FMO2: variants seen among roughly 807,000 people sequenced by gnomAD.
FMO2 encodes flavin-containing monooxygenase 2.
Under a neutral mutation model 41.6 loss-of-function variants are expected in FMO2, and 33 were observed. The observed-to-expected ratio is 0.79, with a 90% CI of 0.60 to 1.06. The LOEUF (loss-of-function observed/expected upper bound fraction) is 1.06. Ranked by LOEUF, FMO2 falls within the 50% of genes least tolerant of loss-of-function variation. The probability of loss-of-function intolerance (pLI) is 0.00; values close to 1 mark genes in which losing one functional copy is unlikely to be tolerated. For synonymous variants in FMO2, 214 were observed against 219.6 expected (o/e 0.97, Z 0.23); for missense variants, 619 against 632.9 (o/e 0.98, Z 0.23).
intron 2 of FMO2, 66 bp downstream of exon 2, chr1:171,185,911 G>A: frequency 6.7e-7 from 1 of 1,483,236 alleles, no homozygotes; most frequent in Non-Finnish European, 9.4e-7. Flanking sequence ...CACAGTTACT[G>A]ATGGGTCATA....
chr1:171,188,029 AATTTTTTT>A (rs1657924881), intron 2 of FMO2, among the ~76,000 whole-genome samples: 2 of 129,630 alleles, frequency 1.5e-5, no homozygotes. Flanking sequence ...TTTCAGCTGG[AATTTTTTT>A]TTTTTTTTTT....
At chr1:171,195,884 C>A (rs1658289287) in intron 3 of FMO2, among the ~76,000 whole-genome samples, 1 of 152,182 alleles carries the variant, frequency 6.6e-6, no homozygotes, top group Non-Finnish European at 1.5e-5. Flanking sequence ...TTAAAAATAG[C>A]AAATGTTAAA....
At chr1:171,200,643 ATCAG>A (rs775302206) in intron 5 of FMO2, among the ~76,000 whole-genome samples, 35 of 152,218 alleles carry the variant, frequency 2.3e-4, no homozygotes, top group Non-Finnish European at 4.0e-4. Context: ...AGAGTCATCT[ATCAG>A]TCAGTTAGTT....
intron 5 of FMO2, among the ~76,000 whole-genome samples, chr1:171,201,776 A>G (rs1658547243): frequency 6.6e-6 from 1 of 152,188 alleles, no homozygotes; most frequent in South Asian, 2.1e-4. Context: ...CAGGAAACTA[A>G]CAATCATGAC....
chr1:171,192,981 T>C (rs1282720420), intron 2 of FMO2, among the ~76,000 whole-genome samples: 3 of 152,042 alleles, frequency 2.0e-5, no homozygotes, highest in Non-Finnish European at 4.4e-5. Flanking sequence ...ATATACAGCC[T>C]CCCCAAGGGG....
chr1:171,205,736 G>T, intron 7 of FMO2, 102 bp downstream of exon 7: 1 of 731,776 alleles, frequency 1.4e-6, no homozygotes, highest in Non-Finnish European at 2.1e-6. Context: ...CCAAGAAAAA[G>T]TTTGACAACC....
chr1:171,195,846 C>T (rs1218421892), intron 3 of FMO2, among the ~76,000 whole-genome samples: 1 of 152,192 alleles, frequency 6.6e-6, no homozygotes, highest in Non-Finnish European at 1.5e-5. Context: ...AGATCATGAA[C>T]TGTCTTGCTC....
intron 3 of FMO2, among the ~76,000 whole-genome samples, chr1:171,194,767 T>C (rs1396598806): frequency 6.6e-6 from 1 of 151,670 alleles, no homozygotes; most frequent in Non-Finnish European, 1.5e-5. Context: ...TCAAAGTAAA[T>C]AACTAACATT....
intron 6 of FMO2, 125 bp from the exon 7 acceptor site, chr1:171,205,152 TAA>T: frequency 1.7e-6 from 1 of 576,262 alleles, no homozygotes; most frequent in Non-Finnish European, 3.0e-6. Flanking sequence ...GACAACCAGT[TAA>T]GTTAGAGTTT....
chr1:171,193,494 T>A lies in FMO2; in HGVS notation c.292T>A (p.Phe98Ile), dbSNP rs1658170759. Residue 98 changes from phenylalanine to isoleucine, a missense_variant, in exon 3 of 9, where the codon TTT (phenylalanine) becomes ATT (isoleucine). By Grantham distance (21) the Phe-to-Ile change is conservative. Coordinates refer to ENST00000209929, the MANE Select transcript of FMO2 (RefSeq NM_001460.5). Reference protein sequence around the residue: ...LEYFRIFAKKFDLLKYIQFQT... With the variant: ...LEYFRIFAKKIDLLKYIQFQT... ...ATATTTCAGGATTTTTGCTAAAAAA[T>A]TTGATCTGCTAAAATATATTCAGTT... The A allele has an allele frequency of 6.2e-7, 1 of 1,609,584 alleles. No homozygotes were observed. Among genetic ancestry groups the A allele is most frequent in the South Asian group, 1.1e-5 (1 of 90,892 alleles).
At chr1:171,192,247 G>A (rs149209961) in intron 2 of FMO2, among the ~76,000 whole-genome samples, 7 of 152,144 alleles carry the variant, frequency 4.6e-5, no homozygotes, top group East Asian at 3.9e-4. Context: ...ACACTGTACC[G>A]TGATTTGTTT....
intron 2 of FMO2, among the ~76,000 whole-genome samples, chr1:171,188,691 T>A (rs1293404079): frequency 2.0e-5 from 3 of 152,206 alleles, no homozygotes; most frequent in Admixed American, 6.5e-5. Flanking sequence ...AGCAATTTTT[T>A]AAATGGGTTA....
intron 2 of FMO2, among the ~76,000 whole-genome samples, chr1:171,188,761 A>G (rs1657957666): frequency 6.6e-6 from 1 of 152,200 alleles, no homozygotes; most frequent in African/African-American, 2.4e-5. Context: ...TTTGGTGGTG[A>G]CAAGTTAACA....
At chr1:171,186,640 C>T (rs536724544) in intron 2 of FMO2, among the ~76,000 whole-genome samples, 1 of 152,282 alleles carries the variant, frequency 6.6e-6, no homozygotes, top group South Asian at 2.1e-4. Context: ...TACCTACCCC[C>T]ACCAGGTCCT....
chr1:171,198,172 G>A (rs778483695), intron 4 of FMO2, among the ~76,000 whole-genome samples: 19 of 152,192 alleles, frequency 1.2e-4, no homozygotes, highest in South Asian at 1.0e-3. Flanking sequence ...ATGTGTTTCC[G>A]TGAAGTGTAA....
At position 171,212,582 on chromosome 1, in the gene FMO2, C is replaced by T. The variant is rs1241960428; in HGVS notation, c.*3437C>T. On this transcript the variant is annotated 3_prime_UTR_variant, in exon 9 of 9. Transcript: ENST00000209929. The stretch of plus-strand genomic sequence containing the variant: ...CTAAATATGGCACACTTGTTCTTTA[C>T]AGAAAAATAAAGATATTTTAAACAA... Among the ~76,000 whole-genome samples, 2 of 151,896 alleles carry T rather than the reference C, an allele frequency of 1.3e-5. No homozygotes were observed. The highest frequency in any genetic ancestry group is 2.9e-5 in the Non-Finnish European group (2 of 67,982).
At chr1:171,185,447 G>A in intron 1 of FMO2, 88 bp downstream of exon 1, 1 of 306,478 alleles carries the variant, frequency 3.3e-6, no homozygotes, top group Non-Finnish European at 6.2e-6. Flanking sequence ...GTATGTTACT[G>A]CATAGTCTGG....
chr1:171,186,031 C>T (rs1657833405), intron 2 of FMO2, 186 bp downstream of exon 2: 4 of 528,748 alleles, frequency 7.6e-6, no homozygotes, highest in Admixed American at 6.4e-5. Context: ...AATACTAACC[C>T]AACCCAGGTA....
intron 8 of FMO2, 75 bp downstream of exon 8, chr1:171,207,865 AC>A (rs1337993464): frequency 5.2e-6 from 5 of 957,426 alleles, no homozygotes; most frequent in Non-Finnish European, 8.2e-6. Flanking sequence ...TACAAGAACC[AC>A]CTAGCTGCCT....
Sources: allele counts gnomAD v4.1 joint callset (sites outside exome capture counted in the v4.1 genomes callset), GRCh38; gene constraint gnomAD v4.1.1; transcripts MANE v1.5; gene names NCBI Gene and HGNC (gene_info 2026-07-23, HGNC 2026-07-21).